Variants in IQCM observed in about 807,000 individuals in gnomAD.
The protein encoded by IQCM is IQ motif containing M, also known as IQ domain-containing protein M.
IQCM carries 45 observed loss-of-function variants against 57.6 expected under a neutral mutation model. That is an observed-to-expected ratio of 0.78 (90% CI 0.62 to 1.00). The LOEUF (loss-of-function observed/expected upper bound fraction) is 1.00. Among genes scored for constraint, IQCM ranks in the 50% least tolerant of loss-of-function variants. The pLI, the probability that IQCM is intolerant of heterozygous loss-of-function variation, is 0.00. For synonymous variants in IQCM, 148 were observed against 158.9 expected (o/e 0.93, Z 0.51); for missense variants, 468 against 511.6 (o/e 0.91, Z 0.82).
intron 12 of IQCM, among the ~76,000 whole-genome samples, chr4:149,471,575 T>C (rs2149729845): frequency 6.6e-6 from 1 of 152,268 alleles, no homozygotes; most frequent in East Asian, 1.9e-4. Flanking sequence ...CTGAAAGTAT[T>C]CCAATCAATA....
chr4:149,406,664 C>G (rs548748146), intron 13 of IQCM, among the ~76,000 whole-genome samples: 1 of 152,126 alleles, frequency 6.6e-6, no homozygotes, highest in Non-Finnish European at 1.5e-5. Flanking sequence ...ATGATCATCA[C>G]ACAGCACACA....
In IQCM at chr4:149,645,611, T is replaced by C. The variant is rs190368067; in HGVS notation, c.566-24367A>G. On this transcript the variant is annotated intron_variant, in intron 7 of 13. Transcript: ENST00000636793. ...TGTCCAATTTCACCTTTTTCTATGA[T>C]GATAATTTCTCTATCGTGTATTGAA... 3.9e-4 allele frequency among the ~76,000 whole-genome samples: 59 copies of C among 152,326 alleles called. 2 individuals are homozygous for C. The highest frequency in any genetic ancestry group is 1.3e-3 in the African/African-American group (56 of 41,574).
chr4:149,697,068 A>G (rs1193761785), intron 5 of IQCM, among the ~76,000 whole-genome samples: 1 of 152,106 alleles, frequency 6.6e-6, no homozygotes, highest in Non-Finnish European at 1.5e-5. Context: ...AAATCTGATC[A>G]TAACATTCGT....
At chr4:149,364,570 G>T (rs1282024046) in intron 13 of IQCM, among the ~76,000 whole-genome samples, 1 of 152,088 alleles carries the variant, frequency 6.6e-6, no homozygotes, top group Non-Finnish European at 1.5e-5. Context: ...GGCCAGCAAG[G>T]AGACAAGATT....
chr4:149,435,086 G>A (rs951898878), intron 12 of IQCM, among the ~76,000 whole-genome samples: 1 of 152,048 alleles, frequency 6.6e-6, no homozygotes, highest in Non-Finnish European at 1.5e-5. Context: ...AGACCAAGGG[G>A]TCCCTATATC....
chr4:149,372,792 G>A (rs895700311), intron 13 of IQCM, among the ~76,000 whole-genome samples: 1 of 151,748 alleles, frequency 6.6e-6, no homozygotes. Flanking sequence ...TATTGTCATA[G>A]TTCCTTGGTT....
At chr4:149,392,128 T>C (rs1274280473) in intron 13 of IQCM, among the ~76,000 whole-genome samples, 2 of 143,662 alleles carry the variant, frequency 1.4e-5, no homozygotes, top group Non-Finnish European at 3.2e-5. Context: ...TTTGTCAGTT[T>C]TTTTTTTTTT....
intron 8 of IQCM, among the ~76,000 whole-genome samples, chr4:149,605,791 C>T (rs567915670): frequency 1.3e-4 from 19 of 142,730 alleles, no homozygotes; most frequent in African/African-American, 4.4e-4. Flanking sequence ...TATAACCCCT[C>T]CCCCAACTCC....
intron 12 of IQCM, among the ~76,000 whole-genome samples, chr4:149,451,482 A>C (rs755815413): frequency 2.0e-5 from 3 of 151,710 alleles, no homozygotes; most frequent in Non-Finnish European, 4.4e-5. Flanking sequence ...GCCCACAAAA[A>C]TTTAAATAAA....
rs765376158 is a variant in IQCM, at chr4:149,725,597, CTCCTGATAAAATCTTCACT to C, written c.385+7628_385+7646del. On this transcript the variant is annotated intron_variant, in intron 5 of 13. Coordinates refer to ENST00000636793, the MANE Select transcript of IQCM (RefSeq NM_001363507.2). ...CAGGAGGATTTCTGTCCTCCTTGTG[CTCCTGATAAAATCTTCACT>C]TCCCTCTTACATTGTCCACCCCCAA... Among the ~76,000 whole-genome samples, 202 of 152,242 alleles carry C rather than the reference CTCCTGATAAAATCTTCACT, an allele frequency of 1.3e-3. 2 individuals are homozygous for C. The highest frequency in any genetic ancestry group is 2.6e-3 in the Non-Finnish European group (178 of 68,016).
chr4:149,708,883 A>G (rs1764353075), intron 5 of IQCM, among the ~76,000 whole-genome samples: 1 of 152,070 alleles, frequency 6.6e-6, no homozygotes, highest in Non-Finnish European at 1.5e-5. Context: ...TAAACTTGCC[A>G]ATGGTATTAA....
At chr4:149,750,069 C>T (rs563322500) in intron 2 of IQCM, among the ~76,000 whole-genome samples, 1 of 152,304 alleles carries the variant, frequency 6.6e-6, no homozygotes, top group East Asian at 1.9e-4. Context: ...AATCCCGCTA[C>T]TACTGAAATG....
At chr4:149,656,761 G>T (rs1403530713) in intron 7 of IQCM, among the ~76,000 whole-genome samples, 1 of 151,986 alleles carries the variant, frequency 6.6e-6, no homozygotes, top group Non-Finnish European at 1.5e-5. Flanking sequence ...ACGTAGGGCG[G>T]AATTCTCTTA....
chr4:149,779,089 G>T (rs998508964), intron 2 of IQCM, among the ~76,000 whole-genome samples: 2 of 151,944 alleles, frequency 1.3e-5, no homozygotes, highest in Admixed American at 1.3e-4. Context: ...CAAAATAGAA[G>T]GAAATAAAAT....
rs560257140 is a variant in IQCM, at chr4:149,541,820, C to T, written c.1228+6635G>A. Among the ~76,000 whole-genome samples the T allele has an allele frequency of 2.6e-5, 4 of 152,100 alleles. No homozygotes were observed. In the South Asian group the frequency reaches 8.3e-4, roughly 32 times the overall value. On this transcript the variant is annotated intron_variant, in intron 12 of 13. Coordinates refer to ENST00000636793, the MANE Select transcript of IQCM (RefSeq NM_001363507.2). The stretch of plus-strand genomic sequence containing the variant: ...AAGACAGTTTTAGAACTGTGACCCA[C>T]TTGGTGTCGTACACTAAAGTAGTTA...
intron 5 of IQCM, among the ~76,000 whole-genome samples, chr4:149,726,806 T>G (rs1390897475): frequency 6.6e-6 from 1 of 152,134 alleles, no homozygotes; most frequent in Non-Finnish European, 1.5e-5. Flanking sequence ...AGATACTATA[T>G]ATCTTTTTTT....
intron 2 of IQCM, among the ~76,000 whole-genome samples, chr4:149,806,352 G>C (rs1774079856): frequency 6.6e-6 from 1 of 151,478 alleles, no homozygotes. Flanking sequence ...TTCTATTTTG[G>C]CTAATTTGAA....
chr4:149,489,012 A>G (rs1032054778), intron 12 of IQCM, among the ~76,000 whole-genome samples: 1 of 152,162 alleles, frequency 6.6e-6, no homozygotes, highest in Admixed American at 6.6e-5. Flanking sequence ...CCAAAGTCCC[A>G]TCTAGCTAAA....
At chr4:149,363,923 C>T (rs545957723) in intron 13 of IQCM, among the ~76,000 whole-genome samples, 1 of 152,250 alleles carries the variant, frequency 6.6e-6, no homozygotes, top group Admixed American at 6.5e-5. Flanking sequence ...GCATAAACAA[C>T]ACTTTCAAAA....
Sources: gnomAD v4.1 joint callset for allele counts (sites outside exome capture counted in the v4.1 genomes callset) on GRCh38, gnomAD v4.1.1 for gene constraint, MANE v1.5 for transcripts, NCBI Gene and HGNC (gene_info 2026-07-23, HGNC 2026-07-21) for gene names.